The following FANCC variants were observed in gnomAD, a reference collection of about 807,000 sequenced individuals.
The protein encoded by FANCC is FA complementation group C.
In FANCC, 55 loss-of-function variants were observed where a neutral mutation model predicts 71.3. The observed-to-expected ratio is 0.77, with a 90% CI of 0.62 to 0.97. The LOEUF is 0.97. Ranked by LOEUF, FANCC falls within the 50% of genes least tolerant of loss-of-function variation. The pLI is 0.00. For synonymous variants in FANCC, 275 were observed against 244.9 expected (o/e 1.12, Z -1.15); for missense variants, 678 against 670.9 (o/e 1.01, Z -0.12).
In FANCC at chr9:95,219,324, G is replaced by GA. The variant is rs530200393; in HGVS notation, c.345+21324dup. Among the ~76,000 whole-genome samples the GA allele has an allele frequency of 1.1e-3, 171 of 151,972 alleles. 1 individual carries two copies. The highest frequency in any genetic ancestry group is 3.9e-3 in the African/African-American group (163 of 41,474). ...AGCAGCCATGTATACAGCGGAATTG[G>GA]AAAAAAACAAAAAACCAGACAGACA... On this transcript the variant is annotated intron_variant, in intron 4 of 14. Transcript: ENST00000289081.
intron 4 of FANCC, among the ~76,000 whole-genome samples, chr9:95,208,513 G>T (rs1828292925): frequency 6.6e-6 from 1 of 152,054 alleles, no homozygotes; most frequent in African/African-American, 2.4e-5. Flanking sequence ...ATTTTAAAAA[G>T]ACATATTCAT....
chr9:95,142,268 C>T (rs923974952), intron 7 of FANCC, among the ~76,000 whole-genome samples: 42 of 152,126 alleles, frequency 2.8e-4, no homozygotes, highest in African/African-American at 9.2e-4. Context: ...GCTGGGATTA[C>T]AGGTGTGAGC....
intron 1 of FANCC, among the ~76,000 whole-genome samples, chr9:95,259,329 T>C (rs1831873967): frequency 6.6e-6 from 1 of 152,164 alleles, no homozygotes; most frequent in Non-Finnish European, 1.5e-5. Flanking sequence ...AGCATGGTAC[T>C]GGTACCAAAA....
At chr9:95,304,065 T>C (rs530035572) in intron 1 of FANCC, among the ~76,000 whole-genome samples, 1 of 152,282 alleles carries the variant, frequency 6.6e-6, no homozygotes, top group Non-Finnish European at 1.5e-5. Context: ...CTCACAATTC[T>C]AAAGGAAAAT....
At position 95,111,494 on chromosome 9, in the gene FANCC, C is replaced by T. The variant is rs768676102; in HGVS notation, c.1298G>A (p.Arg433His). 13 of 1,613,744 alleles carry T rather than the reference C, an allele frequency of 8.1e-6. No individual in the cohort carries two copies. The highest frequency in any genetic ancestry group is 3.3e-5 in the South Asian group (3 of 91,082). Residue 433 changes from arginine (R) to histidine (H), a missense_variant, in exon 13 of 15, where the codon CGT (arginine) becomes CAT (histidine). Transcript: ENST00000289081. Reference protein sequence around the residue: ...LWLLAFYYGPRDGRQQRAQTM... With the variant: ...LWLLAFYYGPHDGRQQRAQTM... ...CTGTGCTCTCTGCTGCCTCCCATCA[C>T]GGGGGCCGTAGTAGAAGGCCAAGAG...
intron 10 of FANCC, among the ~76,000 whole-genome samples, chr9:95,117,969 G>A (rs544345204): frequency 5.3e-5 from 8 of 152,154 alleles, no homozygotes; most frequent in East Asian, 1.9e-4. Context: ...TGATCTGGCC[G>A]CCTCGGCCTC....
chr9:95,293,436 C>CTACTTCTTT (rs1834178090), intron 1 of FANCC: 2 of 1,568,662 alleles, frequency 1.3e-6, no homozygotes, highest in Non-Finnish European at 1.7e-6. Flanking sequence ...TAAAGAGAGC[C>CTACTTCTTT]TACTTCTTTT....
At chr9:95,295,954 A>G (rs1476755322) in intron 1 of FANCC, among the ~76,000 whole-genome samples, 1 of 152,146 alleles carries the variant, frequency 6.6e-6, no homozygotes. Flanking sequence ...GTACTAAAAG[A>G]GTAGAGCTTA....
At chr9:95,193,962 T>C (rs1406140530) in intron 4 of FANCC, among the ~76,000 whole-genome samples, 3 of 152,166 alleles carry the variant, frequency 2.0e-5, no homozygotes, top group African/African-American at 4.8e-5. Context: ...ATGACACCAC[T>C]TTCTTCTCTC....
At chr9:95,298,787 T>C (rs1564839122) in intron 1 of FANCC, among the ~76,000 whole-genome samples, 1 of 152,186 alleles carries the variant, frequency 6.6e-6, no homozygotes, top group Non-Finnish European at 1.5e-5. Flanking sequence ...GGCAAAATCA[T>C]TGTTCTAGTT....
chr9:95,168,001 T>C (rs1003237494), intron 6 of FANCC, among the ~76,000 whole-genome samples: 24 of 152,220 alleles, frequency 1.6e-4, no homozygotes, highest in African/African-American at 5.8e-4. Flanking sequence ...CTAGACATTC[T>C]GGAGGTCCCT....
intron 1 of FANCC, among the ~76,000 whole-genome samples, chr9:95,276,102 T>C (rs778349344): frequency 1.3e-5 from 2 of 152,190 alleles, no homozygotes; most frequent in African/African-American, 4.8e-5. Flanking sequence ...TGAGGTATTA[T>C]CTGCTTCCAA....
At chr9:95,136,515 C>T (rs772210064) in intron 7 of FANCC, among the ~76,000 whole-genome samples, 5 of 152,022 alleles carry the variant, frequency 3.3e-5, no homozygotes, top group South Asian at 4.2e-4. Flanking sequence ...GATGCAAAGT[C>T]GTGCTCTCTC....
chr9:95,208,842 A>G (rs1828312513), intron 4 of FANCC, among the ~76,000 whole-genome samples: 1 of 152,236 alleles, frequency 6.6e-6, no homozygotes, highest in African/African-American at 2.4e-5. Context: ...GTTTCTTATA[A>G]AACTAAGCAT....
At chr9:95,207,444 T>C (rs1350973451) in intron 4 of FANCC, among the ~76,000 whole-genome samples, 2 of 152,124 alleles carry the variant, frequency 1.3e-5, no homozygotes, top group African/African-American at 4.8e-5. Context: ...CCTTGAAGAT[T>C]ATTTGCACAG....
chr9:95,150,039 A>C lies in FANCC; in HGVS notation c.570T>G (p.Leu190=). Residue 190 remains leucine (L), a synonymous_variant, in exon 7 of 15, where the codon CTT becomes CTG. Coordinates refer to ENST00000289081, the MANE Select transcript of FANCC (RefSeq NM_000136.3). Reference sequence around the variant, plus strand: ...GGGGGTCAACATCTGTCAGGGTAATAAGTGGGACACAAACTCGTGACAGGG... The same window carrying C: ...GGGGGTCAACATCTGTCAGGGTAATCAGTGGGACACAAACTCGTGACAGGG... ...VASLSRVCVP[L]ITLTDVDPLV... The C allele has an allele frequency of 6.2e-7, 1 of 1,614,148 alleles. No homozygotes were observed.
rs763416214 is a variant in FANCC at position 95,171,152 on chromosome 9, CA to C, written c.457-10del. 2 of 1,610,224 alleles carry C rather than the reference CA, an allele frequency of 1.2e-6. No individual in the cohort carries two copies. Among genetic ancestry groups the C allele is most frequent in the Non-Finnish European group, 1.7e-6 (2 of 1,176,776 alleles). ...GCTAATGATAAAACCATCTGTAAAACAAAATCAGTTGCAGGTTAACTCACGC... is the reference window on the plus strand; with the variant it reads ...GCTAATGATAAAACCATCTGTAAAACAAATCAGTTGCAGGTTAACTCACGC... On this transcript the variant is annotated splice_polypyrimidine_tract_variant and intron_variant, in intron 5 of 14. Transcript: ENST00000289081.
At chr9:95,249,055 T>C in intron 2 of FANCC, 72 bp downstream of exon 2, 1 of 1,542,108 alleles carries the variant, frequency 6.5e-7, no homozygotes, top group Non-Finnish European at 8.9e-7. Flanking sequence ...CTGGGTGGCA[T>C]TCTGTCTTGG....
At chr9:95,160,221 G>A (rs1830665828) in intron 6 of FANCC, among the ~76,000 whole-genome samples, 1 of 152,158 alleles carries the variant, frequency 6.6e-6, no homozygotes, top group African/African-American at 2.4e-5. Flanking sequence ...GTAAGGAAGG[G>A]ATCCAGTTTC....
Sources: gnomAD v4.1 joint callset for allele counts (sites outside exome capture counted in the v4.1 genomes callset) on GRCh38, gnomAD v4.1.1 for gene constraint, MANE v1.5 for transcripts, NCBI Gene and HGNC (gene_info 2026-07-23, HGNC 2026-07-21) for gene names.